The following GLG1 variants were observed in gnomAD, a reference collection of about 807,000 sequenced individuals.
The protein encoded by GLG1 is Golgi apparatus protein 1.
In GLG1, 38 loss-of-function variants were observed where a neutral mutation model predicts 160.5. That is an observed-to-expected ratio of 0.24 (90% CI 0.18 to 0.31). The LOEUF is 0.31. GLG1 is among the 10% of genes least tolerant of loss of function. GLG1 has a pLI of 1.00. For missense variants in GLG1, 1,373 were observed against 1,505.2 expected (o/e 0.91, Z 1.45); for synonymous variants, 644 against 543.4 (o/e 1.19, Z -2.57).
At chr16:74,589,809 C>T (rs941429662) in intron 1 of GLG1, among the ~76,000 whole-genome samples, 3 of 152,042 alleles carry the variant, frequency 2.0e-5, no homozygotes, top group Non-Finnish European at 4.4e-5. Flanking sequence ...CGGTGGTACA[C>T]GCCTGTGGTC....
chr16:74,463,824 C>G (rs2014897762), intron 19 of GLG1: 1 of 234,372 alleles, frequency 4.3e-6, no homozygotes, highest in Non-Finnish European at 8.4e-6. Flanking sequence ...ATCCACCCAC[C>G]TGGGCTTCCC....
At chr16:74,474,306 C>T (rs1025424444) in intron 13 of GLG1, 1 of 430,454 alleles carries the variant, frequency 2.3e-6, no homozygotes, top group Non-Finnish European at 4.2e-6. Context: ...CTATGATAAA[C>T]CTAATTTATG....
At chr16:74,554,357 A>G (rs1384473922) in intron 1 of GLG1, among the ~76,000 whole-genome samples, 1 of 152,178 alleles carries the variant, frequency 6.6e-6, no homozygotes, top group Non-Finnish European at 1.5e-5. Flanking sequence ...AACATAGTGA[A>G]ACCCCATCTC....
chr16:74,482,078 G>A (rs989077538), intron 10 of GLG1, among the ~76,000 whole-genome samples: 5 of 152,006 alleles, frequency 3.3e-5, no homozygotes, highest in Admixed American at 2.6e-4. Context: ...GTGAGCCACC[G>A]CGCCCGGTTC....
intron 12 of GLG1, among the ~76,000 whole-genome samples, chr16:74,475,155 C>A (rs777647134): frequency 1.2e-3 from 54 of 46,240 alleles, no homozygotes; most frequent in Non-Finnish European, 1.6e-3. Flanking sequence ...GAAACTCCGT[C>A]TCAAAAAAAA....
rs906283098 is a variant in GLG1 at position 74,549,852 on chromosome 16, G to A, written c.439-17699C>T. 2.6e-5 allele frequency among the ~76,000 whole-genome samples: 4 copies of A among 151,898 alleles called. No homozygotes were observed. In the South Asian group the frequency reaches 6.2e-4, roughly 24 times the overall value. ...AAAGGGGCTGAGCGTGGTGGCTCAC[G>A]CCTGTAATCCCACCACTGTAGGAGG... On this transcript the variant is annotated intron_variant, in intron 1 of 25. Coordinates refer to ENST00000422840, the MANE Select transcript of GLG1 (RefSeq NM_001145667.2).
At chr16:74,570,672 C>T (rs1347979076) in intron 1 of GLG1, among the ~76,000 whole-genome samples, 1 of 152,018 alleles carries the variant, frequency 6.6e-6, no homozygotes, top group African/African-American at 2.4e-5. Flanking sequence ...AGGGCAGGAG[C>T]ATCACTTGAG....
chr16:74,463,180 C>T, intron 20 of GLG1, 176 bp downstream of exon 20: 1 of 615,224 alleles, frequency 1.6e-6, no homozygotes, highest in Non-Finnish European at 2.8e-6. Flanking sequence ...TCTCCCCTGA[C>T]TCTCCCTCCA....
At chr16:74,508,808 T>C in intron 3 of GLG1, 31 bp downstream of exon 3, 1 of 873,588 alleles carries the variant, frequency 1.1e-6, no homozygotes, top group African/African-American at 1.6e-5. Flanking sequence ...TCTAAGCCAT[T>C]AGTTGTCTAC....
At chr16:74,589,718 G>A (rs1165649040) in intron 1 of GLG1, among the ~76,000 whole-genome samples, 1 of 152,134 alleles carries the variant, frequency 6.6e-6, no homozygotes, top group African/African-American at 2.4e-5. Context: ...TCTGCTTTCA[G>A]TGCTCTAATT....
chr16:74,591,488 C>T (rs1013498742), intron 1 of GLG1, among the ~76,000 whole-genome samples: 2 of 150,838 alleles, frequency 1.3e-5, no homozygotes, highest in Non-Finnish European at 1.5e-5. Flanking sequence ...AATAGCTCTG[C>T]GTGGTGGCGG....
chr16:74,548,604 T>G (rs537080638), intron 1 of GLG1, among the ~76,000 whole-genome samples: 1 of 152,302 alleles, frequency 6.6e-6, no homozygotes, highest in Admixed American at 6.5e-5. Context: ...CCCAAACAAC[T>G]TCCTTCGTGG....
intron 4 of GLG1, among the ~76,000 whole-genome samples, chr16:74,503,208 A>G (rs1390843821): frequency 8.6e-5 from 13 of 151,106 alleles, no homozygotes; most frequent in Admixed American, 8.6e-4. Flanking sequence ...CTCTGTTTCA[A>G]AAAAAAAATA....
chr16:74,532,511 A>C (rs1200259502), intron 1 of GLG1, among the ~76,000 whole-genome samples: 1 of 152,074 alleles, frequency 6.6e-6, no homozygotes, highest in Non-Finnish European at 1.5e-5. Flanking sequence ...AAAGTCGCTC[A>C]ATTTTTATTT....
chr16:74,506,145 T>A (rs573460312), intron 3 of GLG1, among the ~76,000 whole-genome samples: 13 of 134,416 alleles, frequency 9.7e-5, no homozygotes, highest in African/African-American at 3.1e-4. Flanking sequence ...AAAGGAGGAA[T>A]AGATGCTTGA....
chr16:74,471,540 C>T (rs2015209169), intron 14 of GLG1, among the ~76,000 whole-genome samples: 1 of 152,048 alleles, frequency 6.6e-6, no homozygotes, highest in Non-Finnish European at 1.5e-5. Flanking sequence ...AAGCAGCTGG[C>T]TTTTGGGACA....
intron 8 of GLG1, 95 bp downstream of exon 8, chr16:74,490,906 G>T (rs2015957504): frequency 1.2e-6 from 1 of 814,462 alleles, no homozygotes. Context: ...TGATACCACA[G>T]ATGATCCATA....
rs537508693 is a variant in GLG1 at position 74,554,521 on chromosome 16, G to T, written c.439-22368C>A. On this transcript the variant is annotated intron_variant, in intron 1 of 25. Transcript: ENST00000422840. ...CACTCCAGCCTGGGTGACAGAAAAA[G>T]ACTCCATCTCAAAAAAGAAAAATAA... 3.3e-5 allele frequency among the ~76,000 whole-genome samples: 5 copies of T among 152,222 alleles called. No homozygotes were observed. In the South Asian group the frequency reaches 8.3e-4, roughly 25 times the overall value.
chr16:74,500,527 C>T (rs924752627), intron 4 of GLG1, among the ~76,000 whole-genome samples: 1 of 150,930 alleles, frequency 6.6e-6, no homozygotes, highest in African/African-American at 2.4e-5. Flanking sequence ...AAATAGTAGG[C>T]GAGAACTCAG....
Sources: allele counts gnomAD v4.1 joint callset (sites outside exome capture counted in the v4.1 genomes callset), GRCh38; gene constraint gnomAD v4.1.1; transcripts MANE v1.5; gene names NCBI Gene and HGNC (gene_info 2026-07-23, HGNC 2026-07-21).